HPS4: variants seen among roughly 807,000 people sequenced by gnomAD.
HPS4 encodes HPS4 biogenesis of lysosomal organelles complex 3 subunit 2, also known as BLOC-3 complex member HPS4.
HPS4 carries 44 observed loss-of-function variants against 70.3 expected under a neutral mutation model. The observed-to-expected ratio is 0.63, with a 90% CI of 0.49 to 0.80. HPS4 has a LOEUF of 0.80. Ranked by LOEUF, HPS4 falls within the 30% of genes least tolerant of loss-of-function variation. HPS4 has a pLI of 0.00. For missense variants in HPS4, 873 were observed against 884.4 expected (o/e 0.99, Z 0.16); for synonymous variants, 377 against 355.9 (o/e 1.06, Z -0.67).
chr22:26,470,578 T>TCTAAACTACCTGATATTTGCCGAAC lies in HPS4; in HGVS notation c.596+116_596+140dup, dbSNP rs1406033543. ...ACCTGTCTTTCTAAACTGAGTCAAATCTAAACTACCTGATATTTGCCGAAC... is the reference window on the plus strand; with the variant it reads ...ACCTGTCTTTCTAAACTGAGTCAAATCTAAACTACCTGATATTTGCCGAACCTAAACTACCTGATATTTGCCGAAC... On this transcript the variant is annotated intron_variant, in intron 7 of 13. Transcript: ENST00000398145. The TCTAAACTACCTGATATTTGCCGAAC allele has an allele frequency of 7.9e-6, 6 of 760,664 alleles. No individual in the cohort carries two copies. In the East Asian group the frequency reaches 1.6e-4, roughly 20 times the overall value. The allele number at this position is 760,664 out of a possible 1,614,324, so 47.1% of individuals were successfully genotyped here. A position where few individuals can be genotyped will look rare whatever the true frequency, so the allele number is the denominator to read the frequency against.
chr22:26,465,025 A>G (rs2088228410), intron 10 of HPS4, among the ~76,000 whole-genome samples, 199 bp from the exon 11 acceptor site: 1 of 152,248 alleles, frequency 6.6e-6, no homozygotes, highest in Non-Finnish European at 1.5e-5. Flanking sequence ...TAGTGACACC[A>G]GACTCACCTA....
At chr22:26,474,656 A>G (rs920074570) in intron 4 of HPS4, among the ~76,000 whole-genome samples, 1 of 152,222 alleles carries the variant, frequency 6.6e-6, no homozygotes, top group African/African-American at 2.4e-5. Context: ...GCATGCCACA[A>G]ACTGGGAGAA....
At chr22:26,467,752 C>G (rs2088947129) in intron 8 of HPS4, 1 of 152,006 alleles carries the variant, frequency 6.6e-6, no homozygotes, top group South Asian at 2.1e-4. Context: ...AGGAGATATG[C>G]CAGATGCTGG....
chr22:26,446,448 A>C (rs187758006), downstream of HPS4, among the ~76,000 whole-genome samples: 21 of 152,276 alleles, frequency 1.4e-4, no homozygotes, highest in African/African-American at 4.8e-4. Flanking sequence ...TGCACGATGC[A>C]GTCACCCGGG....
chr22:26,472,625 G>T (rs575265359), intron 5 of HPS4, among the ~76,000 whole-genome samples: 20 of 152,308 alleles, frequency 1.3e-4, no homozygotes, highest in African/African-American at 4.6e-4. Context: ...ATCCCAGGGA[G>T]GAGATGGGGA....
intron 10 of HPS4, 109 bp downstream of exon 10, chr22:26,465,346 A>T (rs1261982157): frequency 7.7e-6 from 6 of 779,896 alleles, no homozygotes; most frequent in Non-Finnish European, 2.3e-6. Flanking sequence ...GGCATGGGGA[A>T]GATGGAATTA....
At position 26,481,797 on chromosome 22, in the gene HPS4, G is replaced by A; in HGVS notation, c.-35C>T. 6.2e-7 allele frequency: 1 copy of A among 1,608,762 alleles called. No homozygotes were observed. ...AGTCATCCTCATTCTCTTCATTTAG[G>A]TTTTCTTTTCCGGTATCACTTCTTT... On this transcript the variant is annotated 5_prime_UTR_variant, in exon 2 of 14. Coordinates refer to ENST00000398145, the MANE Select transcript of HPS4 (RefSeq NM_022081.6).
chr22:26,459,866 T>A (rs908720837), intron 11 of HPS4, among the ~76,000 whole-genome samples: 1 of 152,338 alleles, frequency 6.6e-6, no homozygotes, highest in Middle Eastern at 3.4e-3. Context: ...AAAATAATCA[T>A]ATAAAAGAAA....
rs1205478193 is a variant in HPS4 at position 26,464,302 on chromosome 22, A to C, written c.1328T>G (p.Leu443Arg). The C allele has an allele frequency of 1.2e-6, 2 of 1,614,010 alleles. No individual in the cohort carries two copies. Among genetic ancestry groups the C allele is most frequent in the South Asian group, 2.2e-5 (2 of 91,080 alleles). ...GCTGCTATGGCCAGGATGGTCTTCG[A>C]GCTGCTCTTGGGCTCCATGCTGGGT... ...MLTQHGAQEQ[L>R]EDHPGHSSQA... The change falls in exon 11 of 14, where the codon CTC (leucine) becomes CGC (arginine). Residue 443 changes from leucine to arginine, a missense_variant. Leu to Arg is a moderately radical substitution (Grantham distance 102). Coordinates refer to ENST00000398145, the MANE Select transcript of HPS4 (RefSeq NM_022081.6).
intron 1 of HPS4, among the ~76,000 whole-genome samples, 177 bp from the exon 2 acceptor site, chr22:26,482,417 G>A (rs2091375339): frequency 6.6e-6 from 1 of 152,206 alleles, no homozygotes; most frequent in African/African-American, 2.4e-5. Flanking sequence ...TTCTCGAACA[G>A]TTAAGGGAAA....
At chr22:26,481,634 C>A in intron 2 of HPS4, 88 bp downstream of exon 2, 1 of 1,247,144 alleles carries the variant, frequency 8.0e-7, no homozygotes, top group Non-Finnish European at 1.2e-6. Context: ...ATAAAATTAA[C>A]ACAATCTGGC....
intron 4 of HPS4, 77 bp downstream of exon 4, chr22:26,476,916 T>C: frequency 1.3e-6 from 2 of 1,522,916 alleles, no homozygotes; most frequent in Admixed American, 1.7e-5. Flanking sequence ...TAATTCTAAA[T>C]TCAAGACTCA....
At chr22:26,449,890 A>G (rs1208748224), downstream of HPS4, among the ~76,000 whole-genome samples, 3 of 152,196 alleles carry the variant, frequency 2.0e-5, no homozygotes, top group African/African-American at 7.2e-5. Context: ...AATCAGTTTC[A>G]CGGGACCGAA....
chr22:26,452,146 C>G lies in HPS4; in HGVS notation c.*1087G>C. Reference sequence around the variant, plus strand: ...ATTTCTAGCCCTTGGAAGCTTGTTTCAAGAAAAAGACACCATATCATAAAC... The same window carrying G: ...ATTTCTAGCCCTTGGAAGCTTGTTTGAAGAAAAAGACACCATATCATAAAC... On this transcript the variant is annotated 3_prime_UTR_variant, in exon 14 of 14. Transcript: ENST00000398145. 1 of 334,938 alleles carries G rather than the reference C, an allele frequency of 3.0e-6. No individual in the cohort carries two copies. The highest frequency in any genetic ancestry group is 5.9e-6 in the Non-Finnish European group (1 of 169,550). The allele number at this position is 334,938 out of a possible 1,614,324, so 20.7% of individuals were successfully genotyped here. A position where few individuals can be genotyped will look rare whatever the true frequency, so the allele number is the denominator to read the frequency against.
chr22:26,458,470 G>A lies in HPS4; in HGVS notation c.1821C>T (p.Tyr607=), dbSNP rs756155749. The A allele has an allele frequency of 6.8e-6, 11 of 1,614,130 alleles. No homozygotes were observed. The highest frequency in any genetic ancestry group is 2.2e-5 in the East Asian group (1 of 44,870). ...STSSTYNFTH[Y]DRIQSLLMAN... ...CCATCAGCAAGCTCTGAATGCGGTC[G>A]TAATGTGTGAAGTTGTAGGTGCTGC... is the stretch of plus-strand genomic sequence containing the variant. Residue 607 remains tyrosine, a synonymous_variant, in exon 12 of 14, where the codon TAC becomes TAT. Transcript: ENST00000398145.
At position 26,464,676 on chromosome 22, in the gene HPS4, A is replaced by G; in HGVS notation, c.954T>C (p.Cys318=). The G allele has an allele frequency of 6.2e-7, 1 of 1,611,014 alleles. No individual in the cohort carries two copies. The highest frequency in any genetic ancestry group is 8.5e-7 in the Non-Finnish European group (1 of 1,177,492). The part of the protein sequence containing the change: ...TPDPTSPDEA[C]PDGRKENGCL... ...ATCCGTTCTCCTTCCTGCCATCTGG[A>G]CAAGCTTCGTCAGGGGATGTGGGAT... Residue 318 remains cysteine, a synonymous_variant, in exon 11 of 14, where the codon TGT becomes TGC. Coordinates refer to ENST00000398145, the MANE Select transcript of HPS4 (RefSeq NM_022081.6).
At chr22:26,444,918 T>C (rs1479994680) in intron 3 of HPS4, 1 of 152,208 alleles carries the variant, frequency 6.6e-6, no homozygotes, top group African/African-American at 2.4e-5. Context: ...TGCTCTGCGT[T>C]TACAAAACCA....
At chr22:26,481,670 C>T (rs2091300903) in intron 2 of HPS4, 52 bp downstream of exon 2, 1 of 1,563,636 alleles carries the variant, frequency 6.4e-7, no homozygotes, top group South Asian at 1.1e-5. Context: ...AACCCCAAAA[C>T]TCTAACCAAC....
At position 26,464,506 on chromosome 22, in the gene HPS4, G is replaced by C. The variant is rs558884663; in HGVS notation, c.1124C>G (p.Pro375Arg). Residue 375 changes from proline (P) to arginine (R), a missense_variant, in exon 11 of 14, where the codon CCA (proline) becomes CGA (arginine). Physicochemically the swap from Pro to Arg is moderately radical, Grantham distance 103. Coordinates refer to ENST00000398145, the MANE Select transcript of HPS4 (RefSeq NM_022081.6). ...GGCCATTTCCACTTCCTGAGCCTCT[G>C]GAATGTGGATTTCAGACAAGTCGAG... is the stretch of plus-strand genomic sequence containing the variant. ...EELDLSEIHI[P>R]EAQEVEMASG... The C allele has an allele frequency of 1.4e-4, 231 of 1,614,238 alleles. 1 individual carries two copies. In the South Asian group the frequency reaches 2.1e-3, roughly 15 times the overall value.
Sources: allele counts gnomAD v4.1 joint callset (sites outside exome capture counted in the v4.1 genomes callset), GRCh38; gene constraint gnomAD v4.1.1; transcripts MANE v1.5; gene names NCBI Gene and HGNC (gene_info 2026-07-23, HGNC 2026-07-21).